The following MYCT1 variants were observed in gnomAD, a reference collection of about 807,000 sequenced individuals.
MYCT1 encodes MYC target 1.
Under a neutral mutation model 15.0 loss-of-function variants are expected in MYCT1, and 12 were observed. The ratio of observed to expected loss-of-function variants is 0.80; its 90% confidence interval spans 0.51 to 1.29. The LOEUF is 1.29. Ranked by LOEUF, MYCT1 falls within the 50% of genes most tolerant of loss-of-function variation. The probability of loss-of-function intolerance (pLI) is 0.00; values close to 1 mark genes in which losing one functional copy is unlikely to be tolerated. For missense variants in MYCT1, 287 were observed against 279.1 expected (o/e 1.03, Z -0.20); for synonymous variants, 104 against 102.7 (o/e 1.01, Z -0.07).
intron 1 of MYCT1, among the ~76,000 whole-genome samples, chr6:152,701,727 TCTC>T (rs2099721360): frequency 6.6e-6 from 1 of 152,132 alleles, no homozygotes; most frequent in Non-Finnish European, 1.5e-5. Context: ...ACTGCCGAAA[TCTC>T]CTACTATAAA....
intron 1 of MYCT1, among the ~76,000 whole-genome samples, chr6:152,703,422 A>G (rs1050856921): frequency 6.6e-6 from 1 of 152,218 alleles, no homozygotes; most frequent in African/African-American, 2.4e-5. Flanking sequence ...ATATTTGAAG[A>G]ATTCTACAGT....
At chr6:152,700,082 C>T (rs2099721062) in intron 1 of MYCT1, among the ~76,000 whole-genome samples, 2 of 151,640 alleles carry the variant, frequency 1.3e-5, no homozygotes. Context: ...TGTATTATTG[C>T]CTCTGGGGTA....
chr6:152,716,190 G>C (rs2099723650), intron 1 of MYCT1, among the ~76,000 whole-genome samples: 1 of 152,130 alleles, frequency 6.6e-6, no homozygotes, highest in Non-Finnish European at 1.5e-5. Context: ...TGTGAAAACA[G>C]ACCCAATAAG....
the MYCT1 span, among the ~76,000 whole-genome samples, chr6:152,735,267 G>T: frequency 6.6e-6 from 1 of 152,060 alleles, no homozygotes; most frequent in Admixed American, 6.6e-5. Flanking sequence ...TTTCAAAGTT[G>T]TAAATATTAT....
chr6:152,700,415 G>T (rs567637276), intron 1 of MYCT1, among the ~76,000 whole-genome samples: 6 of 152,156 alleles, frequency 3.9e-5, no homozygotes, highest in African/African-American at 1.4e-4. Flanking sequence ...AGAAAAAGTT[G>T]TTTTCCCAAT....
At chr6:152,707,822 A>G (rs1284340449) in intron 1 of MYCT1, among the ~76,000 whole-genome samples, 2 of 152,070 alleles carry the variant, frequency 1.3e-5, no homozygotes, top group African/African-American at 4.8e-5. Context: ...TGGATTTATT[A>G]CTGGGCTTCC....
At chr6:152,714,472 C>A (rs80249508) in intron 1 of MYCT1, among the ~76,000 whole-genome samples, 14,881 of 151,192 alleles carry the variant, frequency 0.098, 1,328 homozygotes, top group African/African-American at 0.23. Flanking sequence ...ACCTATAAAG[C>A]TATAAATGTT....
chr6:152,719,225 C>T (rs543416508), intron 1 of MYCT1, among the ~76,000 whole-genome samples: 6 of 152,306 alleles, frequency 3.9e-5, no homozygotes, highest in Admixed American at 3.3e-4. Context: ...GTAGAACACA[C>T]AATATTATTT....
At chr6:152,727,654 G>A (rs574113421), downstream of MYCT1, among the ~76,000 whole-genome samples, 8 of 152,330 alleles carry the variant, frequency 5.3e-5, no homozygotes, top group Non-Finnish European at 8.8e-5. Context: ...GTATGTTGGG[G>A]AAAGGATAGA....
At chr6:152,712,816 T>G (rs1054524497) in intron 1 of MYCT1, among the ~76,000 whole-genome samples, 1 of 152,110 alleles carries the variant, frequency 6.6e-6, no homozygotes, top group Non-Finnish European at 1.5e-5. Flanking sequence ...GTTATTATTA[T>G]TTGTAATTTG....
downstream of MYCT1, among the ~76,000 whole-genome samples, chr6:152,728,442 T>C (rs912828381): frequency 6.6e-6 from 1 of 151,612 alleles, no homozygotes; most frequent in Non-Finnish European, 1.5e-5. Context: ...TGACAAGGAG[T>C]TAATCCTTTT....
intron 1 of MYCT1, among the ~76,000 whole-genome samples, chr6:152,704,719 T>C (rs1482543913): frequency 6.6e-6 from 1 of 152,194 alleles, no homozygotes; most frequent in African/African-American, 2.4e-5. Flanking sequence ...TCCCAGGCTT[T>C]ATTGAGGTAT....
chr6:152,716,095 G>A (rs1415685175), intron 1 of MYCT1, among the ~76,000 whole-genome samples: 1 of 152,176 alleles, frequency 6.6e-6, no homozygotes, highest in Non-Finnish European at 1.5e-5. Flanking sequence ...CATATTCCAG[G>A]TCACAGATGT....
chr6:152,700,132 A>G (rs2099721072), intron 1 of MYCT1, among the ~76,000 whole-genome samples: 2 of 152,206 alleles, frequency 1.3e-5, no homozygotes, highest in African/African-American at 4.8e-5. Context: ...ATATAAACAT[A>G]TAAAATGTAT....
chr6:152,724,883 A>G (rs2099725365), downstream of MYCT1, among the ~76,000 whole-genome samples: 1 of 151,898 alleles, frequency 6.6e-6, no homozygotes, highest in African/African-American at 2.4e-5. Context: ...TGGAAGAATT[A>G]GTAAATTATT....
At position 152,724,249 on chromosome 6, in the gene MYCT1, T is replaced by C. The variant is rs76460918; in HGVS notation, c.*1996T>C. 1 of 151,826 alleles carries C rather than the reference T, an allele frequency of 6.6e-6. No homozygotes were observed. The highest frequency in any genetic ancestry group is 1.5e-5 in the Non-Finnish European group (1 of 67,930). 9.4% of individuals were successfully genotyped at this position (151,826 alleles called of 1,614,324 possible). Reference sequence around the variant, plus strand: ...TCAGGGCTACTTTTTTTTTTTTTTTTTTACTTGCATGTCATCCTTAATGTC... The same window carrying C: ...TCAGGGCTACTTTTTTTTTTTTTTTCTTACTTGCATGTCATCCTTAATGTC... On this transcript the variant is annotated 3_prime_UTR_variant, in exon 2 of 2. Coordinates refer to ENST00000367245, the MANE Select transcript of MYCT1 (RefSeq NM_025107.3).
chr6:152,725,543 C>G (rs2099725506), downstream of MYCT1, among the ~76,000 whole-genome samples: 1 of 152,156 alleles, frequency 6.6e-6, no homozygotes, highest in Non-Finnish European at 1.5e-5. Context: ...ACCTCAGCTT[C>G]CCAAAGCACT....
chr6:152,715,055 CAA>C lies in MYCT1; in HGVS notation c.197-6686_197-6685del, dbSNP rs909545874. 2.9e-4 allele frequency among the ~76,000 whole-genome samples: 44 copies of C among 152,134 alleles called. No individual in the cohort carries two copies. The Middle Eastern group carries it at 0.01, about 35-fold the overall frequency. ...AACTTCCTTGGCAGCCCCTGAACAC[CAA>C]CTTATGTTTTCTAAGCTTACTTATA... On this transcript the variant is annotated intron_variant, in intron 1 of 1. Coordinates refer to ENST00000367245, the MANE Select transcript of MYCT1 (RefSeq NM_025107.3).
intron 1 of MYCT1, among the ~76,000 whole-genome samples, chr6:152,717,073 A>G (rs573801128): frequency 6.6e-6 from 1 of 152,302 alleles, no homozygotes; most frequent in Admixed American, 6.5e-5. Flanking sequence ...AATTACATAT[A>G]TGAAAATTTA....
Sources: gnomAD v4.1 joint callset for allele counts (sites outside exome capture counted in the v4.1 genomes callset) on GRCh38, gnomAD v4.1.1 for gene constraint, MANE v1.5 for transcripts, NCBI Gene and HGNC (gene_info 2026-07-23, HGNC 2026-07-21) for gene names.